Variants in TPRG1 observed in about 807,000 individuals in gnomAD.
The protein encoded by TPRG1 is tumor protein p63 regulated 1, also known as tumor protein p63-regulated gene 1 protein.
A neutral mutation model predicts 29.3 loss-of-function variants in TPRG1; 29 were observed. The observed-to-expected ratio is 0.99, with a 90% CI of 0.74 to 1.35. The LOEUF (loss-of-function observed/expected upper bound fraction) is 1.35, where lower values mean the gene tolerates loss of function less well. Among genes scored for constraint, TPRG1 ranks in the 40% most tolerant of loss-of-function variants. TPRG1 has a pLI of 0.00. For missense variants in TPRG1, 327 were observed against 335.0 expected, an observed-to-expected ratio of 0.98 and a Z score of 0.19; for synonymous variants, 130 against 116.8, an observed-to-expected ratio of 1.11 and a Z score of -0.73.
intron 3 of TPRG1, among the ~76,000 whole-genome samples, chr3:189,143,171 A>G (rs192634116): frequency 0.012 from 1,783 of 151,858 alleles, 30 homozygotes; most frequent in African/African-American, 0.039. Flanking sequence ...TTTTTTTTAT[A>G]TAGGATTTTA....
At chr3:189,218,041 A>C in intron 3 of TPRG1, 8 of 985,258 alleles carry the variant, frequency 8.1e-6, no homozygotes, top group Non-Finnish European at 8.4e-6. Context: ...CTTGCTTCCC[A>C]TTTATTTAGT....
intron 4 of TPRG1, among the ~76,000 whole-genome samples, chr3:189,036,473 A>G (rs1714274439): frequency 6.6e-6 from 1 of 152,130 alleles, no homozygotes; most frequent in African/African-American, 2.4e-5. Flanking sequence ...AGTTAAGGGA[A>G]TGGACACCCA....
At chr3:189,247,900 A>G (rs567078037) in intron 4 of TPRG1, among the ~76,000 whole-genome samples, 11 of 152,040 alleles carry the variant, frequency 7.2e-5, no homozygotes, top group Admixed American at 5.9e-4. Context: ...TTAATATGCT[A>G]TTGAATATTA....
Position 189,226,580 on chromosome 3 carries a change from T to C in TPRG1, c.302+11197T>C, listed in dbSNP as rs115639669. Among the ~76,000 whole-genome samples, 1,459 of 151,548 alleles carry C rather than the reference T, an allele frequency of 9.6e-3. 21 individuals are homozygous for C. The highest frequency in any genetic ancestry group is 0.033 in the African/African-American group (1,371 of 41,292). ...AGTGTACATATTAATTGAGGGAAAG[T>C]CTCAAATCAACAACCTAAGTCCCTG... On this transcript the variant is annotated intron_variant, in intron 3 of 5. Transcript: ENST00000345063.
intron 2 of TPRG1, among the ~76,000 whole-genome samples, chr3:189,208,392 C>T (rs1403403943): frequency 6.6e-6 from 1 of 152,108 alleles, no homozygotes; most frequent in East Asian, 1.9e-4. Flanking sequence ...GAGAACATCT[C>T]ATTTTCATGT....
intron 4 of TPRG1, among the ~76,000 whole-genome samples, chr3:189,081,241 T>C (rs1717572521): frequency 6.6e-6 from 1 of 151,948 alleles, no homozygotes; most frequent in South Asian, 2.1e-4. Context: ...CAGTAGGCCA[T>C]GAGAATGAAT....
intron 4 of TPRG1, among the ~76,000 whole-genome samples, chr3:189,059,650 G>A (rs1235515986): frequency 2.6e-5 from 4 of 151,920 alleles, no homozygotes; most frequent in Non-Finnish European, 5.9e-5. Flanking sequence ...AGGTCTGTGA[G>A]ATAGTCAATA....
At chr3:189,032,065 A>G (rs79797164) in intron 4 of TPRG1, among the ~76,000 whole-genome samples, 2,877 of 152,240 alleles carry the variant, frequency 0.019, 92 homozygotes, top group African/African-American at 0.065. Flanking sequence ...GTAACCCATA[A>G]CTATGTTACC....
At position 189,271,008 on chromosome 3, in the gene TPRG1, A is replaced by G. The variant is rs183104521; in HGVS notation, c.479+32099A>G. ...AAGGGCTTTGCTTGCTCATTATTTGATTGGGTACACACACAAACACACACA... is the reference window on the plus strand; with the variant it reads ...AAGGGCTTTGCTTGCTCATTATTTGGTTGGGTACACACACAAACACACACA... On this transcript the variant is annotated intron_variant, in intron 4 of 5. Coordinates refer to ENST00000345063, the MANE Select transcript of TPRG1 (RefSeq NM_198485.4). 7.1e-4 allele frequency among the ~76,000 whole-genome samples: 108 copies of G among 152,248 alleles called. 2 individuals are homozygous for G. Among genetic ancestry groups the G allele is most frequent in the Non-Finnish European group, 4.9e-4 (33 of 68,006 alleles).
chr3:189,149,006 C>G (rs1725602345), intron 4 of TPRG1, among the ~76,000 whole-genome samples: 1 of 152,238 alleles, frequency 6.6e-6, no homozygotes, highest in African/African-American at 2.4e-5. Context: ...GTGACTATCT[C>G]TGCTCTGGTG....
intron 4 of TPRG1, among the ~76,000 whole-genome samples, chr3:189,309,451 T>C (rs147031066): frequency 2.0e-5 from 3 of 152,280 alleles, no homozygotes; most frequent in South Asian, 4.1e-4. Context: ...TGAAGTTCCA[T>C]AGGGCTGTTT....
intron 3 of TPRG1, among the ~76,000 whole-genome samples, chr3:189,140,846 A>G (rs150654636): frequency 1.9e-3 from 294 of 152,030 alleles, no homozygotes; most frequent in African/African-American, 5.3e-3. Flanking sequence ...CTAGGCAGAC[A>G]CCTCCTCTCG....
At chr3:189,125,325 C>T (rs1034939752) in intron 1 of TPRG1, among the ~76,000 whole-genome samples, 1 of 152,072 alleles carries the variant, frequency 6.6e-6, no homozygotes, top group African/African-American at 2.4e-5. Context: ...AGATATTAAT[C>T]CCAGTTAACC....
chr3:189,220,804 T>C (rs903781330), intron 3 of TPRG1, among the ~76,000 whole-genome samples: 6 of 152,228 alleles, frequency 3.9e-5, no homozygotes, highest in African/African-American at 1.4e-4. Flanking sequence ...TAGTATTCCA[T>C]GGTGTATATG....
At chr3:189,025,092 G>A (rs1356466581) in intron 4 of TPRG1, among the ~76,000 whole-genome samples, 2 of 152,192 alleles carry the variant, frequency 1.3e-5, no homozygotes, top group Non-Finnish European at 2.9e-5. Flanking sequence ...TGCCTGAGAT[G>A]CCATCACCTT....
At chr3:189,312,579 G>T (rs1252987205) in intron 5 of TPRG1, among the ~76,000 whole-genome samples, 1 of 152,084 alleles carries the variant, frequency 6.6e-6, no homozygotes, top group Non-Finnish European at 1.5e-5. Context: ...GCATTAGATG[G>T]TTATTCCCTG....
chr3:189,087,161 A>G (rs545179580), intron 4 of TPRG1, among the ~76,000 whole-genome samples: 17 of 152,178 alleles, frequency 1.1e-4, no homozygotes, highest in Non-Finnish European at 2.4e-4. Flanking sequence ...CATCCTCTCC[A>G]GCACCTGTTT....
intron 4 of TPRG1, among the ~76,000 whole-genome samples, chr3:189,036,607 T>A (rs1714284704): frequency 6.6e-6 from 1 of 151,854 alleles, no homozygotes; most frequent in African/African-American, 2.4e-5. Flanking sequence ...ATAAAGATAA[T>A]ATAAAATTCA....
intron 1 of TPRG1, among the ~76,000 whole-genome samples, chr3:189,109,715 A>G (rs995557811): frequency 6.6e-6 from 1 of 152,158 alleles, no homozygotes; most frequent in African/African-American, 2.4e-5. Context: ...ATTTACAGAC[A>G]TTCCCTTTTA....
Sources: gnomAD v4.1 joint callset for allele counts (sites outside exome capture counted in the v4.1 genomes callset) on GRCh38, gnomAD v4.1.1 for gene constraint, MANE v1.5 for transcripts, NCBI Gene and HGNC (gene_info 2026-07-23, HGNC 2026-07-21) for gene names.